CRTAC1: variants seen among roughly 807,000 people sequenced by gnomAD.
The protein encoded by CRTAC1 is cartilage acidic protein 1.
CRTAC1 carries 37 observed loss-of-function variants against 67.8 expected under a neutral mutation model. That is an observed-to-expected ratio of 0.55 (90% CI 0.42 to 0.72). CRTAC1 has a LOEUF of 0.72. CRTAC1 is among the 30% of genes least tolerant of loss of function. CRTAC1 has a pLI of 0.00. For synonymous variants in CRTAC1, 348 were observed against 371.0 expected (o/e 0.94, Z 0.71); for missense variants, 780 against 931.6 (o/e 0.84, Z 2.12).
chr10:98,023,140 G>A (rs990690260), intron 1 of CRTAC1, among the ~76,000 whole-genome samples: 3 of 152,140 alleles, frequency 2.0e-5, no homozygotes, highest in African/African-American at 4.8e-5. Context: ...GGAAGGGGGC[G>A]GGAAGGAGAG....
At chr10:98,010,856 T>G (rs748295923) in intron 2 of CRTAC1, among the ~76,000 whole-genome samples, 10 of 152,164 alleles carry the variant, frequency 6.6e-5, no homozygotes, top group African/African-American at 1.4e-4. Context: ...GACAGTGCCT[T>G]AAAGCAGAGC....
intron 2 of CRTAC1, among the ~76,000 whole-genome samples, chr10:98,001,240 T>C (rs1050682631): frequency 6.6e-6 from 1 of 152,120 alleles, no homozygotes; most frequent in African/African-American, 2.4e-5. Flanking sequence ...CAGTTATTAA[T>C]AGGCCAAGCA....
intron 2 of CRTAC1, among the ~76,000 whole-genome samples, chr10:97,998,706 G>C (rs536226032): frequency 2.0e-5 from 3 of 150,930 alleles, no homozygotes; most frequent in Non-Finnish European, 3.0e-5. Context: ...GCAATAAAAT[G>C]GTAAAAAAAA....
At chr10:97,938,814 T>C (rs2051128924) in intron 2 of CRTAC1, among the ~76,000 whole-genome samples, 1 of 152,250 alleles carries the variant, frequency 6.6e-6, no homozygotes, top group South Asian at 2.1e-4. Flanking sequence ...GCATTTCTCT[T>C]CTGTGAAATG....
chr10:98,007,628 G>T (rs1188021494), intron 2 of CRTAC1, among the ~76,000 whole-genome samples: 1 of 152,150 alleles, frequency 6.6e-6, no homozygotes, highest in Non-Finnish European at 1.5e-5. Flanking sequence ...AGCTTTCTCA[G>T]ACAGAGGCTG....
At chr10:97,888,481 G>A (rs2050318066) in intron 11 of CRTAC1, among the ~76,000 whole-genome samples, 1 of 152,088 alleles carries the variant, frequency 6.6e-6, no homozygotes, top group Admixed American at 6.5e-5. Flanking sequence ...AGGTGGGAAT[G>A]TGTATCAGAG....
Position 97,895,425 on chromosome 10 carries a change from G to T in CRTAC1, c.1318-12C>A, listed in dbSNP as rs372719174. 5.1e-6 allele frequency: 8 copies of T among 1,580,564 alleles called. No homozygotes were observed. The highest frequency in any genetic ancestry group is 6.9e-6 in the Non-Finnish European group (8 of 1,164,530). ...TTGTTGTTGAAGCCCTGCAGAGAGG[G>T]TGAGAGGCAGACACCCGGTGGGCAT... On this transcript the variant is annotated splice_polypyrimidine_tract_variant and intron_variant, in intron 10 of 14. Coordinates refer to ENST00000370597, the MANE Select transcript of CRTAC1 (RefSeq NM_018058.7). The surrounding 1 kb of genome is among the most constrained non-coding windows in gnomAD (Gnocchi z 4.2).
chr10:97,898,894 CCTT>C (rs1320605584), intron 8 of CRTAC1, among the ~76,000 whole-genome samples: 5 of 152,156 alleles, frequency 3.3e-5, no homozygotes, highest in South Asian at 2.1e-4. Flanking sequence ...TTTCTTTTTT[CCTT>C]CTTCTTTTTT....
At chr10:97,988,147 TCCTGA>T (rs1440564977) in intron 2 of CRTAC1, among the ~76,000 whole-genome samples, 1 of 151,974 alleles carries the variant, frequency 6.6e-6, no homozygotes, top group Non-Finnish European at 1.5e-5. Context: ...CTCCTGTCTG[TCCTGA>T]CAGCCCCTGC....
At position 97,924,710 on chromosome 10, in the gene CRTAC1, C is replaced by G. The variant is rs187503168; in HGVS notation, c.422-1310G>C. Reference sequence around the variant, plus strand: ...CATTAAAGGTTTGGGATGGTCCCCCCACCAAAGTGGTAGCTATTTTTCGAC... The same window carrying G: ...CATTAAAGGTTTGGGATGGTCCCCCGACCAAAGTGGTAGCTATTTTTCGAC... On this transcript the variant is annotated intron_variant, in intron 3 of 14. Coordinates refer to ENST00000370597, the MANE Select transcript of CRTAC1 (RefSeq NM_018058.7). Among the ~76,000 whole-genome samples the G allele has an allele frequency of 1.3e-3, 198 of 152,308 alleles. 1 individual carries two copies. Among genetic ancestry groups the G allele is most frequent in the African/African-American group, 4.5e-3 (189 of 41,568 alleles).
chr10:97,886,115 G>A (rs143289964), intron 11 of CRTAC1, among the ~76,000 whole-genome samples: 103 of 152,212 alleles, frequency 6.8e-4, no homozygotes, highest in Non-Finnish European at 1.4e-3. Flanking sequence ...TAGACTTCCT[G>A]TAGAGACCAC....
chr10:97,998,709 A>T (rs904204667), intron 2 of CRTAC1, among the ~76,000 whole-genome samples: 22 of 148,054 alleles, frequency 1.5e-4, no homozygotes, highest in African/African-American at 4.9e-4. Context: ...ATAAAATGGT[A>T]AAAAAAAAAT....
chr10:97,963,651 T>C (rs569952308), intron 2 of CRTAC1, among the ~76,000 whole-genome samples: 1 of 152,184 alleles, frequency 6.6e-6, no homozygotes, highest in Non-Finnish European at 1.5e-5. Context: ...TATAAAAAAA[T>C]AGAAATTCCT....
intron 2 of CRTAC1, among the ~76,000 whole-genome samples, chr10:97,981,530 T>G (rs1238846464): frequency 6.6e-6 from 1 of 152,238 alleles, no homozygotes; most frequent in African/African-American, 2.4e-5. Flanking sequence ...CTTAACCATT[T>G]TGTTATTAAC....
At chr10:97,965,128 C>A (rs1340908027) in intron 2 of CRTAC1, among the ~76,000 whole-genome samples, 1 of 152,196 alleles carries the variant, frequency 6.6e-6, no homozygotes, top group East Asian at 1.9e-4. Flanking sequence ...GAGCTGAGAT[C>A]AAAAAGAGAC....
intron 7 of CRTAC1, 47 bp downstream of exon 7, chr10:97,904,622 T>C (rs552231296): frequency 2.0e-6 from 3 of 1,469,754 alleles, no homozygotes; most frequent in Non-Finnish European, 1.8e-6. Flanking sequence ...GGTTTTGCCA[T>C]GTTGGACAGG....
chr10:98,003,081 C>A (rs1405577431), intron 2 of CRTAC1, among the ~76,000 whole-genome samples: 1 of 152,062 alleles, frequency 6.6e-6, no homozygotes, highest in African/African-American at 2.4e-5. Context: ...CTGCGCCCGG[C>A]CCAAAACTCA....
intron 3 of CRTAC1, among the ~76,000 whole-genome samples, chr10:97,926,701 G>C (rs750868822): frequency 1.3e-4 from 20 of 152,198 alleles, no homozygotes; most frequent in Non-Finnish European, 2.5e-4. Flanking sequence ...GCCCAGGACA[G>C]GTTTTGCTAT....
chr10:97,958,860 G>A (rs987134387), intron 2 of CRTAC1, among the ~76,000 whole-genome samples: 4 of 152,066 alleles, frequency 2.6e-5, no homozygotes, highest in Admixed American at 2.0e-4. Context: ...TAAATTTCAC[G>A]GGTCCTAAAA....
Sources: gnomAD v4.1 joint callset for allele counts (sites outside exome capture counted in the v4.1 genomes callset) on GRCh38, gnomAD v4.1.1 for gene constraint, Gnocchi (gnomAD v3.1) non-coding constraint, MANE v1.5 for transcripts, NCBI Gene and HGNC (gene_info 2026-07-23, HGNC 2026-07-21) for gene names.